Variants in PRORP observed in about 807,000 individuals in gnomAD.
PRORP encodes mitochondrial ribonuclease P catalytic subunit.
In PRORP, 51 loss-of-function variants were observed where a neutral mutation model predicts 59.4. The ratio of observed to expected loss-of-function variants is 0.86; its 90% CI spans 0.69 to 1.08. The LOEUF (loss-of-function observed/expected upper bound fraction) is 1.08. Ranked by LOEUF, PRORP falls within the 50% of genes least tolerant of loss-of-function variation. PRORP has a pLI of 0.00. For missense variants in PRORP, 646 were observed against 690.3 expected, an observed-to-expected ratio of 0.94 and a Z score of 0.72; for synonymous variants, 231 against 245.6, an observed-to-expected ratio of 0.94 and a Z score of 0.55.
intron 4 of PRORP, among the ~76,000 whole-genome samples, chr14:35,136,529 C>CTGT (rs2047378919): frequency 6.9e-6 from 1 of 145,168 alleles, no homozygotes; most frequent in Non-Finnish European, 1.5e-5. Flanking sequence ...CATGCACCAC[C>CTGT]ACACCCGGCT....
chr14:35,136,408 G>A (rs909488736), intron 4 of PRORP, among the ~76,000 whole-genome samples: 1 of 150,606 alleles, frequency 6.6e-6, no homozygotes, highest in Admixed American at 6.7e-5. Context: ...GAGTTTCGCT[G>A]TTGTTGCCCA....
rs2049044164 is a variant in PRORP, at chr14:35,197,737, A to C, written c.1275+16960A>C. Among the ~76,000 whole-genome samples, 3 of 152,204 alleles carry C rather than the reference A, an allele frequency of 2.0e-5. No homozygotes were observed. In the South Asian group the frequency reaches 6.2e-4, roughly 32 times the overall value. Reference sequence around the variant, plus strand: ...CTTATTGGTATATTATTTCTACCCCATTTTGTCTTATGAAAGATGTAAGAT... The same window carrying C: ...CTTATTGGTATATTATTTCTACCCCCTTTTGTCTTATGAAAGATGTAAGAT... On this transcript the variant is annotated intron_variant, in intron 5 of 7. Coordinates refer to ENST00000534898, the MANE Select transcript of PRORP (RefSeq NM_014672.4).
Position 35,123,695 on chromosome 14 carries a change from C to CT in PRORP, c.451dup (p.Cys151LeufsTer3). 1 of 1,614,200 alleles carries CT rather than the reference C, an allele frequency of 6.2e-7. No individual in the cohort carries two copies. Among genetic ancestry groups the CT allele is most frequent in the Non-Finnish European group, 8.5e-7 (1 of 1,180,044 alleles). On this transcript the variant is annotated frameshift_variant, in exon 2 of 8. Transcript: ENST00000534898. LOFTEE classifies it high-confidence loss of function. ...GTTGGATCATTTCACAGATGGCTGGCTGTCATAGCTCTATAGATGTGGCTA... is the reference window on the plus strand; with the variant it reads ...GTTGGATCATTTCACAGATGGCTGGCTTGTCATAGCTCTATAGATGTGGCTA...
intron 5 of PRORP, among the ~76,000 whole-genome samples, chr14:35,248,829 C>A (rs777166840): frequency 6.6e-6 from 1 of 152,126 alleles, no homozygotes; most frequent in Non-Finnish European, 1.5e-5. Flanking sequence ...ACAAGAGGAA[C>A]GAAGACAAAG....
At chr14:35,212,646 A>G (rs1400999345) in intron 5 of PRORP, among the ~76,000 whole-genome samples, 5 of 152,200 alleles carry the variant, frequency 3.3e-5, no homozygotes, top group Admixed American at 6.5e-5. Context: ...CTGGAAACAG[A>G]TGTGCCATCA....
intron 5 of PRORP, among the ~76,000 whole-genome samples, chr14:35,213,479 C>T (rs1041604148): frequency 6.6e-6 from 1 of 152,102 alleles, no homozygotes; most frequent in Non-Finnish European, 1.5e-5. Context: ...TTTGCATACA[C>T]AACTTGGGTA....
intron 2 of PRORP, among the ~76,000 whole-genome samples, chr14:35,125,542 C>T (rs1055400599): frequency 6.6e-6 from 1 of 152,250 alleles, no homozygotes; most frequent in Non-Finnish European, 1.5e-5. Flanking sequence ...CATTAATTTG[C>T]TTCCTAAAAA....
At chr14:35,263,602 C>A (rs560286092) in intron 5 of PRORP, among the ~76,000 whole-genome samples, 6 of 152,030 alleles carry the variant, frequency 3.9e-5, no homozygotes, top group Admixed American at 3.9e-4. Context: ...GTAGGAGAAT[C>A]GCTTGAACCT....
chr14:35,188,908 C>A (rs1011052776), intron 5 of PRORP, among the ~76,000 whole-genome samples: 1 of 145,792 alleles, frequency 6.9e-6, no homozygotes, highest in East Asian at 2.0e-4. Context: ...CGTACCACTG[C>A]ACTCCAGCCT....
chr14:35,194,345 A>T (rs1387174472), intron 5 of PRORP, among the ~76,000 whole-genome samples: 3 of 152,220 alleles, frequency 2.0e-5, no homozygotes, highest in Admixed American at 2.0e-4. Context: ...ATGGAATACT[A>T]TACAGTCATA....
intron 5 of PRORP, among the ~76,000 whole-genome samples, chr14:35,243,719 T>C (rs1368688586): frequency 1.3e-5 from 2 of 152,166 alleles, no homozygotes; most frequent in African/African-American, 4.8e-5. Flanking sequence ...AACTTTGAAC[T>C]AGTTCCTTAA....
At chr14:35,136,433 G>A (rs2047375162) in intron 4 of PRORP, among the ~76,000 whole-genome samples, 1 of 148,792 alleles carries the variant, frequency 6.7e-6, no homozygotes, top group Non-Finnish European at 1.5e-5. Flanking sequence ...GGAGTGCAAT[G>A]GCGCAATCTC....
At chr14:35,157,120 T>G (rs1241951073) in intron 4 of PRORP, among the ~76,000 whole-genome samples, 2 of 152,074 alleles carry the variant, frequency 1.3e-5, no homozygotes, top group Non-Finnish European at 2.9e-5. Flanking sequence ...CACGCCCAGC[T>G]AATTTTTTTT....
chr14:35,272,033 A>AC (rs1332533180), intron 7 of PRORP, among the ~76,000 whole-genome samples: 1 of 142,842 alleles, frequency 7.0e-6, no homozygotes, highest in Admixed American at 7.0e-5. Context: ...CTCAAAAAAA[A>AC]CAAAAAAAAA....
In PRORP at chr14:35,123,332, C is replaced by G. The variant is rs941653; in HGVS notation, c.87C>G (p.Val29=). 295,952 of 1,613,740 alleles carry G rather than the reference C, an allele frequency of 0.18. 29,041 individuals carry two copies. The highest frequency in any genetic ancestry group is 0.38 in the East Asian group (17,026 of 44,870). Residue 29 remains valine (V), a synonymous_variant, in exon 2 of 8, where the codon GTC becomes GTG. Coordinates refer to ENST00000534898, the MANE Select transcript of PRORP (RefSeq NM_014672.4). The part of the protein sequence containing the change: ...YLGLGPGHSY[V]SLFLADRCGI... ...GGCTAGGCCCAGGGCACTCTTATGT[C>G]TCGCTGTTTCTGGCAGACCGCTGTG...
chr14:35,272,671 G>A (rs576523875), intron 7 of PRORP, among the ~76,000 whole-genome samples: 2 of 152,304 alleles, frequency 1.3e-5, no homozygotes, highest in South Asian at 2.1e-4. Context: ...GGAGGGCAGC[G>A]TATGGATGAA....
chr14:35,230,832 T>C (rs2050058741), intron 5 of PRORP, among the ~76,000 whole-genome samples: 1 of 152,130 alleles, frequency 6.6e-6, no homozygotes, highest in Non-Finnish European at 1.5e-5. Flanking sequence ...AAAGAAGACA[T>C]GCAAGAAGCC....
chr14:35,183,959 G>C (rs1336556627), intron 5 of PRORP, among the ~76,000 whole-genome samples: 1 of 152,100 alleles, frequency 6.6e-6, no homozygotes, highest in Non-Finnish European at 1.5e-5. Flanking sequence ...GTACATAAAG[G>C]AAAAATTAGG....
chr14:35,134,746 C>G (rs1443261600), intron 4 of PRORP, among the ~76,000 whole-genome samples: 1 of 152,124 alleles, frequency 6.6e-6, no homozygotes, highest in Non-Finnish European at 1.5e-5. Flanking sequence ...GATGTGCGGC[C>G]TGGGCTTAGG....
Sources: gnomAD v4.1 joint callset for allele counts (sites outside exome capture counted in the v4.1 genomes callset) on GRCh38, gnomAD v4.1.1 for gene constraint, MANE v1.5 for transcripts, NCBI Gene and HGNC (gene_info 2026-07-23, HGNC 2026-07-21) for gene names.